Variants in BMP6 observed in about 807,000 individuals in gnomAD.
BMP6 encodes the protein bone morphogenetic protein 6.
BMP6 carries 17 observed loss-of-function variants against 54.1 expected under a neutral mutation model. The observed-to-expected ratio is 0.31, with a 90% CI of 0.22 to 0.47. BMP6 has a LOEUF of 0.47. Ranked by LOEUF, BMP6 falls within the 20% of genes least tolerant of loss-of-function variation. The pLI, the probability that BMP6 is intolerant of heterozygous loss-of-function variation, is 1.00. For synonymous variants in BMP6, 328 were observed against 291.2 expected (o/e 1.13, Z -1.28); for missense variants, 720 against 690.4 (o/e 1.04, Z -0.48).
At chr6:7,810,227 A>G (rs959560918) in intron 1 of BMP6, among the ~76,000 whole-genome samples, 4 of 152,208 alleles carry the variant, frequency 2.6e-5, no homozygotes, top group African/African-American at 9.6e-5. Context: ...ATACAAAATG[A>G]TGTCACTCAA....
chr6:7,795,935 A>T (rs778858222), intron 1 of BMP6, among the ~76,000 whole-genome samples: 19 of 152,294 alleles, frequency 1.2e-4, no homozygotes, highest in Middle Eastern at 6.8e-3. Context: ...TGATGAGTTC[A>T]GTTTGACATA....
chr6:7,876,106 C>T (rs72829224), intron 4 of BMP6, among the ~76,000 whole-genome samples: 24 of 152,154 alleles, frequency 1.6e-4, no homozygotes, highest in Admixed American at 6.5e-4. Context: ...CCCCCACATG[C>T]GAAGTGTTGC....
intron 1 of BMP6, among the ~76,000 whole-genome samples, chr6:7,780,717 TATC>T (rs1757930529): frequency 1.3e-5 from 2 of 151,918 alleles, no homozygotes; most frequent in African/African-American, 4.8e-5. Context: ...TTGTTATTAT[TATC>T]ATTATTATTT....
intron 1 of BMP6, among the ~76,000 whole-genome samples, chr6:7,804,625 AATTC>A (rs1758320281): frequency 6.6e-6 from 1 of 152,198 alleles, no homozygotes; most frequent in African/African-American, 2.4e-5. Context: ...ATGAATGGAA[AATTC>A]ATTCATTCAT....
At chr6:7,773,528 A>G (rs1057192378) in intron 1 of BMP6, among the ~76,000 whole-genome samples, 2 of 152,224 alleles carry the variant, frequency 1.3e-5, no homozygotes, top group South Asian at 2.1e-4. Flanking sequence ...ATGCATAAAC[A>G]TAGGCTCAGA....
At chr6:7,773,973 A>G (rs1757825641) in intron 1 of BMP6, among the ~76,000 whole-genome samples, 2 of 152,194 alleles carry the variant, frequency 1.3e-5, no homozygotes, top group Non-Finnish European at 2.9e-5. Context: ...GGAGCCCTGA[A>G]CATCTTTGAC....
chr6:7,727,809 C>CGCCGCGGGCA (rs1389186669), intron 1 of BMP6, among the ~76,000 whole-genome samples, 190 bp downstream of exon 1: 1 of 151,396 alleles, frequency 6.6e-6, no homozygotes. Flanking sequence ...CGCTCCCCCG[C>CGCCGCGGGCA]GCCGCGGGCA....
chr6:7,854,002 T>C (rs1275206093), intron 2 of BMP6, among the ~76,000 whole-genome samples: 2 of 152,070 alleles, frequency 1.3e-5, no homozygotes, highest in South Asian at 2.1e-4. Flanking sequence ...GAGAATGTTA[T>C]GGAGAGGAAT....
intron 1 of BMP6, among the ~76,000 whole-genome samples, chr6:7,772,624 A>T (rs572528144): frequency 6.6e-6 from 1 of 152,210 alleles, no homozygotes; most frequent in African/African-American, 2.4e-5. Context: ...TATGGGGGTA[A>T]AATTATAACC....
At chr6:7,836,852 T>C (rs1758883993) in intron 1 of BMP6, among the ~76,000 whole-genome samples, 2 of 152,208 alleles carry the variant, frequency 1.3e-5, no homozygotes, top group African/African-American at 4.8e-5. Context: ...GCTTGCAACA[T>C]GAAAGTCAAA....
intron 1 of BMP6, among the ~76,000 whole-genome samples, chr6:7,812,011 G>A (rs1289714303): frequency 6.6e-6 from 1 of 152,224 alleles, no homozygotes; most frequent in Non-Finnish European, 1.5e-5. Flanking sequence ...ATAGGCAGGT[G>A]TTCAAATGGA....
chr6:7,731,005 A>C (rs973259345), intron 1 of BMP6, among the ~76,000 whole-genome samples: 2 of 152,262 alleles, frequency 1.3e-5, no homozygotes, highest in Admixed American at 1.3e-4. Context: ...CAGCCGGACT[A>C]TCAGGAAGTG....
chr6:7,848,783 A>G (rs918434197), intron 2 of BMP6, among the ~76,000 whole-genome samples: 3 of 152,200 alleles, frequency 2.0e-5, no homozygotes, highest in African/African-American at 7.2e-5. Flanking sequence ...AGTTTACTTC[A>G]TGGTATTGCA....
chr6:7,769,487 C>G (rs1757750490), intron 1 of BMP6, among the ~76,000 whole-genome samples: 1 of 152,180 alleles, frequency 6.6e-6, no homozygotes, highest in African/African-American at 2.4e-5. Context: ...GGGTCGAGTT[C>G]TGCACAGGTG....
chr6:7,865,867 C>G (rs988207257), intron 4 of BMP6, among the ~76,000 whole-genome samples: 2 of 152,212 alleles, frequency 1.3e-5, no homozygotes, highest in Admixed American at 6.5e-5. Flanking sequence ...CAGGGATCGT[C>G]CTACATCTGG....
Position 7,821,610 on chromosome 6 carries a change from C to G in BMP6, c.665-23530C>G, listed in dbSNP as rs527669142. 1.4e-4 allele frequency among the ~76,000 whole-genome samples: 21 copies of G among 152,266 alleles called. No individual in the cohort carries two copies. In the South Asian group the frequency reaches 4.4e-3, roughly 32 times the overall value. ...GACTGTGTGGGTTTGGGATCATGTC[C>G]CAGTTCTGCCCTCATCAATCACATG... On this transcript the variant is annotated intron_variant, in intron 1 of 6. Transcript: ENST00000283147.
At chr6:7,871,314 G>T (rs116335697) in intron 4 of BMP6, among the ~76,000 whole-genome samples, 1 of 152,208 alleles carries the variant, frequency 6.6e-6, no homozygotes, top group Admixed American at 6.5e-5. Context: ...TTATTAAATG[G>T]GACTGAAAGC....
chr6:7,791,161 A>G (rs1758100896), intron 1 of BMP6, among the ~76,000 whole-genome samples: 1 of 152,182 alleles, frequency 6.6e-6, no homozygotes, highest in Non-Finnish European at 1.5e-5. Context: ...GGTCACTTGT[A>G]TGAGAGGATG....
chr6:7,778,187 A>AC (rs1757889884), intron 1 of BMP6, among the ~76,000 whole-genome samples: 1 of 152,118 alleles, frequency 6.6e-6, no homozygotes, highest in Non-Finnish European at 1.5e-5. Flanking sequence ...TATCTTTTAC[A>AC]CCCTCCTCTC....
Sources: allele counts gnomAD v4.1 joint callset (sites outside exome capture counted in the v4.1 genomes callset), GRCh38; gene constraint gnomAD v4.1.1; transcripts MANE v1.5; gene names NCBI Gene and HGNC (gene_info 2026-07-23, HGNC 2026-07-21).